The following ADAMTSL1 variants were observed in gnomAD, a reference collection of about 807,000 sequenced individuals.
The protein encoded by ADAMTSL1 is ADAMTS-like protein 1.
In ADAMTSL1, 126 loss-of-function variants were observed where a neutral mutation model predicts 201.8. The observed-to-expected ratio is 0.62, with a 90% CI of 0.54 to 0.72. ADAMTSL1 has a LOEUF of 0.72. Among genes scored for constraint, ADAMTSL1 ranks in the 30% least tolerant of loss-of-function variants. The pLI, the probability that ADAMTSL1 is intolerant of heterozygous loss-of-function variation, is 0.00. For synonymous variants in ADAMTSL1, 1,121 were observed against 903.4 expected, an observed-to-expected ratio of 1.24 and a Z score of -4.32; for missense variants, 2,679 against 2,277.8, an observed-to-expected ratio of 1.18 and a Z score of -3.59.
At chr9:18,625,579 C>T (rs1826312460) in intron 5 of ADAMTSL1, among the ~76,000 whole-genome samples, 1 of 152,180 alleles carries the variant, frequency 6.6e-6, no homozygotes, top group African/African-American at 2.4e-5. Flanking sequence ...CTTCTCAACT[C>T]CCCCAACCCA....
At chr9:18,438,044 G>C in intron 2 of ADAMTSL1, among the ~76,000 whole-genome samples, 1 of 152,126 alleles carries the variant, frequency 6.6e-6, no homozygotes, top group East Asian at 1.9e-4. Context: ...TCAGTGAGGA[G>C]CCAGGGAACT....
At chr9:18,153,317 A>G (rs914389925) in intron 1 of ADAMTSL1, among the ~76,000 whole-genome samples, 69 of 152,178 alleles carry the variant, frequency 4.5e-4, no homozygotes, top group African/African-American at 1.6e-3. Context: ...TGCTCTTGGG[A>G]AAGTCGATCT....
chr9:18,444,627 T>G (rs924955383), intron 2 of ADAMTSL1, among the ~76,000 whole-genome samples: 5 of 152,162 alleles, frequency 3.3e-5, no homozygotes, highest in African/African-American at 7.2e-5. Flanking sequence ...GTAAGAATAT[T>G]CTACTCCTTG....
chr9:18,366,669 A>G (rs1421200284), intron 2 of ADAMTSL1, among the ~76,000 whole-genome samples: 1 of 106,914 alleles, frequency 9.4e-6, no homozygotes, highest in African/African-American at 4.1e-5. Flanking sequence ...TTTTTTTTTA[A>G]GACAGAGTCT....
At chr9:18,174,539 G>A (rs186414991) in intron 2 of ADAMTSL1, among the ~76,000 whole-genome samples, 1 of 152,146 alleles carries the variant, frequency 6.6e-6, no homozygotes, top group Admixed American at 6.5e-5. Flanking sequence ...TGTGAGCAGT[G>A]ACAAAATGTC....
intron 2 of ADAMTSL1, among the ~76,000 whole-genome samples, chr9:18,445,188 C>T (rs886982990): frequency 2.0e-5 from 3 of 152,132 alleles, no homozygotes; most frequent in African/African-American, 7.2e-5. Flanking sequence ...ACAGTGATAA[C>T]CAGTTTCTCT....
intron 1 of ADAMTSL1, among the ~76,000 whole-genome samples, chr9:17,976,992 G>C (rs913873047): frequency 2.0e-5 from 3 of 151,816 alleles, no homozygotes; most frequent in Non-Finnish European, 4.4e-5. Context: ...ATGAGGTTGA[G>C]GCACATTCTT....
chr9:18,578,626 G>A (rs1478130903), intron 4 of ADAMTSL1, among the ~76,000 whole-genome samples: 3 of 152,194 alleles, frequency 2.0e-5, no homozygotes, highest in Non-Finnish European at 4.4e-5. Flanking sequence ...TGTAAAAATA[G>A]GATTAGAAGG....
At chr9:18,780,869 A>G (rs531809492) in intron 19 of ADAMTSL1, among the ~76,000 whole-genome samples, 47 of 152,244 alleles carry the variant, frequency 3.1e-4, no homozygotes, top group Non-Finnish European at 5.9e-5. Flanking sequence ...CTATCCCCCA[A>G]CTGAAAATTA....
At chr9:18,094,376 T>C (rs746721912) in intron 1 of ADAMTSL1, among the ~76,000 whole-genome samples, 6 of 152,210 alleles carry the variant, frequency 3.9e-5, no homozygotes, top group Admixed American at 6.5e-5. Context: ...TGTGGTTCAC[T>C]GTGTGAACTT....
chr9:18,270,804 C>T (rs868646545), intron 2 of ADAMTSL1, among the ~76,000 whole-genome samples: 4 of 152,254 alleles, frequency 2.6e-5, no homozygotes, highest in Middle Eastern at 6.8e-3. Context: ...CTAATTCGGC[C>T]ATTAGCTGGT....
chr9:18,583,478 G>A (rs143992910), intron 4 of ADAMTSL1, among the ~76,000 whole-genome samples: 1 of 152,208 alleles, frequency 6.6e-6, no homozygotes, highest in African/African-American at 2.4e-5. Context: ...GGCTGTCATG[G>A]AGAACCTCTG....
intron 1 of ADAMTSL1, among the ~76,000 whole-genome samples, chr9:18,054,198 A>G (rs1368315674): frequency 6.6e-6 from 1 of 152,226 alleles, no homozygotes; most frequent in African/African-American, 2.4e-5. Context: ...ACGTGTATAA[A>G]CACAGACATA....
intron 2 of ADAMTSL1, among the ~76,000 whole-genome samples, chr9:18,209,186 T>C (rs1476626468): frequency 6.6e-6 from 1 of 151,974 alleles, no homozygotes; most frequent in Non-Finnish European, 1.5e-5. Flanking sequence ...AAATGTTTGT[T>C]ATATGTTTTG....
At chr9:18,127,792 C>G (rs74433581) in intron 1 of ADAMTSL1, among the ~76,000 whole-genome samples, 5,656 of 152,136 alleles carry the variant, frequency 0.037, 147 homozygotes, top group Non-Finnish European at 0.06. Flanking sequence ...AGGAAACTTG[C>G]CATGTTTTGG....
intron 28 of ADAMTSL1, chr9:18,908,063 A>G (rs1489103198): frequency 7.4e-6 from 2 of 271,568 alleles, no homozygotes; most frequent in Non-Finnish European, 1.4e-5. Flanking sequence ...TACTTAAAAT[A>G]CCAAAACCCA....
chr9:18,413,257 T>A (rs993975770), intron 2 of ADAMTSL1, among the ~76,000 whole-genome samples: 1 of 151,722 alleles, frequency 6.6e-6, no homozygotes, highest in African/African-American at 2.4e-5. Context: ...CTTCGCCTCC[T>A]AGGTTCAAAT....
chr9:18,838,360 TACACACACACACACACAC>T lies in ADAMTSL1; in HGVS notation c.4249+8408_4249+8425del, dbSNP rs775337751. 3.7e-4 allele frequency among the ~76,000 whole-genome samples: 32 copies of T among 86,762 alleles called. 1 individual carries two copies. Among genetic ancestry groups the T allele is most frequent in the Admixed American group, 2.2e-3 (21 of 9,354 alleles). 56.9% of individuals were successfully genotyped at this position (86,762 alleles called of 152,430 possible). A position where few individuals can be genotyped will look rare whatever the true frequency, so the allele number is the denominator to read the frequency against. On this transcript the variant is annotated intron_variant, in intron 23 of 28. Transcript: ENST00000380548. ...GGGTGGGGACACAGCCAAACCATATTACACACACACACACACACACACACACACACACACACACACACG... is the reference window on the plus strand; with the variant it reads ...GGGTGGGGACACAGCCAAACCATATTACACACACACACACACACACACACG...
intron 2 of ADAMTSL1, among the ~76,000 whole-genome samples, chr9:18,509,758 G>C (rs1354392482): frequency 6.6e-6 from 1 of 152,218 alleles, no homozygotes; most frequent in African/African-American, 2.4e-5. Flanking sequence ...ACCAAGTCCA[G>C]AGTCAGAATG....
Sources: gnomAD v4.1 joint callset for allele counts (sites outside exome capture counted in the v4.1 genomes callset) on GRCh38, gnomAD v4.1.1 for gene constraint, MANE v1.5 for transcripts, NCBI Gene and HGNC (gene_info 2026-07-23, HGNC 2026-07-21) for gene names.